Variants in SLC8A1 observed in about 807,000 individuals in gnomAD.
SLC8A1 encodes the protein sodium/calcium exchanger 1.
SLC8A1 carries 18 observed loss-of-function variants against 68.3 expected under a neutral mutation model. The ratio of observed to expected loss-of-function variants is 0.26; its 90% confidence interval spans 0.18 to 0.39. The LOEUF (loss-of-function observed/expected upper bound fraction) is 0.39. Among genes scored for constraint, SLC8A1 ranks in the 10% least tolerant of loss-of-function variants. The pLI, the probability that SLC8A1 is intolerant of heterozygous loss-of-function variation, is 1.00. For missense variants in SLC8A1, 985 were observed against 1,156.7 expected (o/e 0.85, Z 2.15); for synonymous variants, 475 against 415.5 (o/e 1.14, Z -1.74).
At chr2:40,273,864 CTT>C (rs200112318) in intron 2 of SLC8A1, among the ~76,000 whole-genome samples, 103 of 136,670 alleles carry the variant, frequency 7.5e-4, no homozygotes, top group Middle Eastern at 3.9e-3. Context: ...ATGCCAAGTC[CTT>C]TTTTTTTTTT....
At chr2:40,297,867 C>T (rs2149255765) in intron 2 of SLC8A1, among the ~76,000 whole-genome samples, 1 of 152,230 alleles carries the variant, frequency 6.6e-6, no homozygotes. Flanking sequence ...GATGAAGTTA[C>T]ATGATTTAAC....
At chr2:40,379,007 T>G (rs1313362878) in intron 2 of SLC8A1, among the ~76,000 whole-genome samples, 1 of 152,154 alleles carries the variant, frequency 6.6e-6, no homozygotes, top group East Asian at 1.9e-4. Context: ...GACTGGAATG[T>G]TCACCCCATG....
At chr2:40,186,251 C>A (rs1023518784) in intron 2 of SLC8A1, among the ~76,000 whole-genome samples, 21 of 152,230 alleles carry the variant, frequency 1.4e-4, no homozygotes, top group Admixed American at 1.2e-3. Context: ...TCACCTTGGG[C>A]ATTCTCTAGT....
chr2:40,157,413 A>G (rs1466607481), intron 6 of SLC8A1, among the ~76,000 whole-genome samples: 1 of 152,092 alleles, frequency 6.6e-6, no homozygotes, highest in Non-Finnish European at 1.5e-5. Context: ...ACAAACCCAC[A>G]CCTGTCTCCA....
At chr2:40,435,097 C>G (rs1699131715) in intron 1 of SLC8A1, among the ~76,000 whole-genome samples, 8 of 152,126 alleles carry the variant, frequency 5.3e-5, no homozygotes, top group Admixed American at 3.9e-4. Context: ...GACAGTCATC[C>G]TAATGGCATC....
At chr2:40,477,458 A>T (rs1436702165) in intron 1 of SLC8A1, among the ~76,000 whole-genome samples, 1 of 152,168 alleles carries the variant, frequency 6.6e-6, no homozygotes, top group Non-Finnish European at 1.5e-5. Context: ...ACGGTTGAAA[A>T]GAAGATAATT....
chr2:40,120,991 C>T (rs1219908608), intron 7 of SLC8A1, among the ~76,000 whole-genome samples: 1 of 152,166 alleles, frequency 6.6e-6, no homozygotes, highest in African/African-American at 2.4e-5. Flanking sequence ...GCTTGTCCAG[C>T]CTGCCTTATT....
chr2:40,414,861 G>T (rs562245255), intron 2 of SLC8A1, among the ~76,000 whole-genome samples: 5 of 151,962 alleles, frequency 3.3e-5, no homozygotes, highest in African/African-American at 7.2e-5. Flanking sequence ...AAATACTATT[G>T]GTTAAATAAA....
chr2:40,193,261 C>G (rs1223756638), intron 2 of SLC8A1, among the ~76,000 whole-genome samples: 1 of 152,144 alleles, frequency 6.6e-6, no homozygotes, highest in Non-Finnish European at 1.5e-5. Flanking sequence ...ATGAATTTAT[C>G]AGCCACGTTT....
intron 2 of SLC8A1, among the ~76,000 whole-genome samples, chr2:40,311,735 A>T (rs1043518449): frequency 6.6e-6 from 1 of 151,526 alleles, no homozygotes. Context: ...TTTTTTCTGG[A>T]ATGAACATGG....
At chr2:40,422,901 CT>C (rs1695900704) in intron 2 of SLC8A1, among the ~76,000 whole-genome samples, 1 of 150,802 alleles carries the variant, frequency 6.6e-6, no homozygotes, top group South Asian at 2.1e-4. Context: ...AAAAATTAAT[CT>C]CTCTAAGTTT....
chr2:40,325,468 A>T (rs1181390964), intron 2 of SLC8A1, among the ~76,000 whole-genome samples: 1 of 152,196 alleles, frequency 6.6e-6, no homozygotes, highest in Non-Finnish European at 1.5e-5. Flanking sequence ...CTAGAAACTC[A>T]TTATTCAATT....
intron 2 of SLC8A1, among the ~76,000 whole-genome samples, chr2:40,331,844 T>C (rs1422337417): frequency 1.3e-5 from 2 of 152,134 alleles, no homozygotes; most frequent in Non-Finnish European, 2.9e-5. Flanking sequence ...CCATCAGCCT[T>C]GGCCTCCCAA....
intron 2 of SLC8A1, among the ~76,000 whole-genome samples, chr2:40,281,865 C>T (rs1426464372): frequency 6.6e-6 from 1 of 152,162 alleles, no homozygotes; most frequent in African/African-American, 2.4e-5. Flanking sequence ...GATTCTTCAT[C>T]CTGGGGCTTT....
At chr2:40,472,219 T>C (rs1704028801) in intron 1 of SLC8A1, among the ~76,000 whole-genome samples, 1 of 152,186 alleles carries the variant, frequency 6.6e-6, no homozygotes. Flanking sequence ...AAAACTTGAA[T>C]TGGAAGATGT....
chr2:40,178,328 CCAGGGGTGG>C (rs1309986965), intron 2 of SLC8A1, 50 bp downstream of exon 3: 1 of 1,277,710 alleles, frequency 7.8e-7, no homozygotes, highest in South Asian at 1.2e-5. Flanking sequence ...GTGCAGGCAT[CCAGGGGTGG>C]CACAGGCCAG....
intron 2 of SLC8A1, among the ~76,000 whole-genome samples, chr2:40,239,537 G>T (rs1460594324): frequency 6.6e-6 from 1 of 152,146 alleles, no homozygotes; most frequent in Non-Finnish European, 1.5e-5. Context: ...AAATGTGGCA[G>T]GGCTGCATTA....
intron 2 of SLC8A1, among the ~76,000 whole-genome samples, chr2:40,352,812 T>A (rs1156517829): frequency 6.6e-6 from 1 of 152,166 alleles, no homozygotes; most frequent in East Asian, 1.9e-4. Context: ...GGATTCCACG[T>A]TACTAAGGAG....
chr2:40,387,755 T>C (rs1279912436), intron 2 of SLC8A1, among the ~76,000 whole-genome samples: 1 of 146,236 alleles, frequency 6.8e-6, no homozygotes, highest in Non-Finnish European at 1.5e-5. Context: ...CTGGCCAACA[T>C]GGTGAAACCC....
Sources: gnomAD v4.1 joint callset for allele counts (sites outside exome capture counted in the v4.1 genomes callset) on GRCh38, gnomAD v4.1.1 for gene constraint, MANE v1.5 for transcripts, NCBI Gene and HGNC (gene_info 2026-07-23, HGNC 2026-07-21) for gene names.